TRIM2: variants seen among roughly 807,000 people sequenced by gnomAD.
The protein encoded by TRIM2 is tripartite motif-containing protein 2.
In TRIM2, 20 loss-of-function variants were observed where a neutral mutation model predicts 75.2. The observed-to-expected ratio is 0.27, with a 90% CI of 0.19 to 0.39. The LOEUF (loss-of-function observed/expected upper bound fraction) is 0.39, where lower values mean the gene tolerates loss of function less well. TRIM2 is among the 10% of genes least tolerant of loss of function. TRIM2 has a pLI of 1.00. For synonymous variants in TRIM2, 373 were observed against 388.3 expected, an observed-to-expected ratio of 0.96 and a Z score of 0.46; for missense variants, 660 against 990.8, an observed-to-expected ratio of 0.67 and a Z score of 4.48.
At chr4:153,293,929 G>A (rs957717477) in intron 4 of TRIM2, among the ~76,000 whole-genome samples, 7 of 152,156 alleles carry the variant, frequency 4.6e-5, no homozygotes, top group African/African-American at 7.2e-5. Flanking sequence ...GAGGCAGGGC[G>A]GGGAGAGCTA....
chr4:153,249,931 A>G lies in TRIM2; in HGVS notation c.31-20404A>G, dbSNP rs140185644. Reference sequence around the variant, plus strand: ...TACATTCCGGGTATACTCAAGATAGATAGAGTCAACTTTGAATTCTCGAGG... The same window carrying G: ...TACATTCCGGGTATACTCAAGATAGGTAGAGTCAACTTTGAATTCTCGAGG... On this transcript the variant is annotated intron_variant, in intron 1 of 11. Transcript: ENST00000338700. Among the ~76,000 whole-genome samples the G allele has an allele frequency of 8.2e-3, 1,249 of 152,296 alleles. 18 individuals carry two copies. Among genetic ancestry groups the G allele is most frequent in the African/African-American group, 0.028 (1,143 of 41,560 alleles).
intron 1 of TRIM2, among the ~76,000 whole-genome samples, chr4:153,219,621 A>G (rs1429792218): frequency 4.6e-5 from 7 of 152,194 alleles, no homozygotes; most frequent in Non-Finnish European, 1.0e-4. Context: ...GTAACTCAAC[A>G]CTTTAGGAGG....
chr4:153,180,319 C>G (rs1731920923), intron 1 of TRIM2, among the ~76,000 whole-genome samples: 1 of 152,134 alleles, frequency 6.6e-6, no homozygotes, highest in Admixed American at 6.5e-5. Flanking sequence ...TACAATACTC[C>G]TAGGTGTTAG....
At chr4:153,250,779 GT>G (rs1750676394) in intron 1 of TRIM2, among the ~76,000 whole-genome samples, 1 of 152,238 alleles carries the variant, frequency 6.6e-6, no homozygotes, top group Admixed American at 6.5e-5. Flanking sequence ...GGAGTCAGGG[GT>G]GCTTGACCTG....
intron 1 of TRIM2, among the ~76,000 whole-genome samples, chr4:153,189,246 A>G (rs571932617): frequency 6.6e-6 from 1 of 152,350 alleles, no homozygotes; most frequent in South Asian, 2.1e-4. Context: ...AGATGAGGGG[A>G]AAAGTTTCAC....
intron 1 of TRIM2, among the ~76,000 whole-genome samples, chr4:153,188,329 G>A (rs543215103): frequency 3.3e-5 from 5 of 152,198 alleles, no homozygotes; most frequent in South Asian, 4.1e-4. Context: ...GCATGGTGGC[G>A]CACACCTGTA....
At chr4:153,163,595 A>G (rs1265624486) in intron 1 of TRIM2, among the ~76,000 whole-genome samples, 1 of 128,638 alleles carries the variant, frequency 7.8e-6, no homozygotes, top group Non-Finnish European at 1.6e-5. Context: ...TCCGCTTCCC[A>G]GGTTTAAGCA....
intron 2 of TRIM2, among the ~76,000 whole-genome samples, chr4:153,272,565 C>T (rs1756974092): frequency 6.6e-6 from 1 of 152,154 alleles, no homozygotes; most frequent in African/African-American, 2.4e-5. Flanking sequence ...CAGTTCACTG[C>T]AGCCTCAATT....
intron 6 of TRIM2, among the ~76,000 whole-genome samples, chr4:153,314,683 C>G (rs1428889413): frequency 1.3e-5 from 2 of 151,806 alleles, no homozygotes; most frequent in Non-Finnish European, 2.9e-5. Flanking sequence ...TACAAAGCAC[C>G]CTGCGAGAAT....
At chr4:153,306,006 G>A (rs556811504) in intron 6 of TRIM2, among the ~76,000 whole-genome samples, 4 of 152,160 alleles carry the variant, frequency 2.6e-5, no homozygotes, top group African/African-American at 9.6e-5. Context: ...ATGGTGACGG[G>A]TGCCTGTAAT....
intron 1 of TRIM2, among the ~76,000 whole-genome samples, chr4:153,260,696 C>CACACACACA (rs1560902840): frequency 0.011 from 642 of 58,050 alleles, 63 homozygotes; most frequent in African/African-American, 0.034. Context: ...ACCCACCCCC[C>CACACACACA]CCCCCACACA....
chr4:153,247,811 A>C (rs1016836090), intron 1 of TRIM2, among the ~76,000 whole-genome samples: 1 of 151,804 alleles, frequency 6.6e-6, no homozygotes, highest in African/African-American at 2.4e-5. Context: ...TTATTAAACT[A>C]TTCATATGCC....
intron 3 of TRIM2, among the ~76,000 whole-genome samples, chr4:153,283,565 G>A (rs1010488978): frequency 1.3e-5 from 2 of 151,814 alleles, no homozygotes; most frequent in East Asian, 1.9e-4. Flanking sequence ...TCCTGGGTAT[G>A]TACCTAAAAG....
chr4:153,299,444 ATTCCATATC>A (rs1235657262), intron 6 of TRIM2, among the ~76,000 whole-genome samples: 3 of 152,138 alleles, frequency 2.0e-5, no homozygotes, highest in Non-Finnish European at 4.4e-5. Context: ...ACTTAGGTTG[ATTCCATATC>A]TTGGCTATTG....
intron 1 of TRIM2, among the ~76,000 whole-genome samples, chr4:153,193,086 G>A (rs1317994718): frequency 6.6e-6 from 1 of 151,160 alleles, no homozygotes; most frequent in African/African-American, 2.4e-5. Flanking sequence ...CATCTCTTAG[G>A]AGCATGCCTG....
chr4:153,300,370 A>G (rs1373354629), intron 6 of TRIM2, among the ~76,000 whole-genome samples: 1 of 152,026 alleles, frequency 6.6e-6, no homozygotes, highest in African/African-American at 2.4e-5. Context: ...GCTCACTGCA[A>G]CCTCAACCTC....
intron 1 of TRIM2, among the ~76,000 whole-genome samples, chr4:153,229,886 G>C (rs146556351): frequency 6.6e-6 from 1 of 152,014 alleles, no homozygotes; most frequent in Non-Finnish European, 1.5e-5. Context: ...ATTTTCTCTC[G>C]TTCAAGTCCC....
chr4:153,185,345 T>G (rs1732491862), intron 1 of TRIM2, among the ~76,000 whole-genome samples: 1 of 152,154 alleles, frequency 6.6e-6, no homozygotes, highest in African/African-American at 2.4e-5. Flanking sequence ...GTTCATAAAT[T>G]TGGAAATCTC....
chr4:153,289,584 T>C (rs1761411372), intron 3 of TRIM2, among the ~76,000 whole-genome samples: 1 of 152,360 alleles, frequency 6.6e-6, no homozygotes, highest in East Asian at 1.9e-4. Context: ...TTGCATCCTT[T>C]TCTGTCTTCC....
Sources: allele counts gnomAD v4.1 joint callset (sites outside exome capture counted in the v4.1 genomes callset), GRCh38; gene constraint gnomAD v4.1.1; transcripts MANE v1.5; gene names NCBI Gene and HGNC (gene_info 2026-07-23, HGNC 2026-07-21).